The following CHST13 variants were observed in gnomAD, a reference collection of about 807,000 sequenced individuals.
CHST13 encodes the protein C4ST-3.
In CHST13, 1 loss-of-function variant was observed where a neutral mutation model predicts 7.0. The observed-to-expected ratio is 0.14, with a 90% confidence interval of 0.05 to 0.68. The LOEUF (loss-of-function observed/expected upper bound fraction) is 0.68. CHST13 is among the 30% of genes least tolerant of loss of function. CHST13 has a pLI of 0.82. For synonymous variants in CHST13, 257 were observed against 240.9 expected (o/e 1.07, Z -0.62); for missense variants, 572 against 507.9 (o/e 1.13, Z -1.21).
chr3:126,536,486 G>A, intron 2 of CHST13, 133 bp downstream of exon 2: 1 of 646,948 alleles, frequency 1.5e-6, no homozygotes, highest in East Asian at 2.8e-5. Context: ...CCCCAAACCA[G>A]GCTTTGTCAG....
chr3:126,528,652 C>T (rs1162045023), intron 1 of CHST13, among the ~76,000 whole-genome samples: 2 of 152,002 alleles, frequency 1.3e-5, no homozygotes, highest in African/African-American at 2.4e-5. Context: ...AAGTGGGGTC[C>T]GGAGGGTTCT....
At chr3:126,536,048 C>T (rs968765362) in intron 1 of CHST13, among the ~76,000 whole-genome samples, 3 of 152,162 alleles carry the variant, frequency 2.0e-5, no homozygotes, top group Non-Finnish European at 4.4e-5. Flanking sequence ...GAGGGTAGGA[C>T]ATGGGAGCAG....
rs1218355491 is a variant in CHST13, at chr3:126,542,173, C to A, written c.621C>A (p.Arg207=). 1.4e-6 allele frequency: 2 copies of A among 1,466,772 alleles called. No individual in the cohort carries two copies. Among genetic ancestry groups the A allele is most frequent in the Non-Finnish European group, 1.8e-6 (2 of 1,116,768 alleles). 90.9% of individuals were successfully genotyped at this position (1,466,772 alleles called of 1,614,324 possible). A position where few individuals can be genotyped will look rare whatever the true frequency, so the allele number is the denominator to read the frequency against. The change falls in exon 3 of 3, where the codon CGC becomes CGA. Residue 207 remains arginine (R), a synonymous_variant. Coordinates refer to ENST00000319340, the MANE Select transcript of CHST13 (RefSeq NM_152889.3). The stretch of plus-strand genomic sequence containing the variant: ...GCTACGGTGCACGCATCGTTCAGCG[C>A]CTGCGGCCGCGCGCGCTCCCCGACG... ...QRRYGARIVQ[R]LRPRALPDAR... is the part of the protein sequence containing the mutation.
intron 1 of CHST13, among the ~76,000 whole-genome samples, chr3:126,531,142 C>T (rs1283990078): frequency 2.0e-5 from 3 of 152,278 alleles, no homozygotes; most frequent in Admixed American, 2.0e-4. Flanking sequence ...TCAAAGCACG[C>T]TCCCAGACCA....
In CHST13 at chr3:126,543,179, C is replaced by G. The variant is rs937398729; in HGVS notation, c.*601C>G. 3 of 152,422 alleles carry G rather than the reference C, an allele frequency of 2.0e-5. No homozygotes were observed. Among genetic ancestry groups the G allele is most frequent in the Middle Eastern group, 3.4e-3 (1 of 294 alleles). The allele number at this position is 152,422 out of a possible 1,614,324, so 9.4% of individuals were successfully genotyped here. On this transcript the variant is annotated 3_prime_UTR_variant, in exon 3 of 3. Transcript: ENST00000319340. ...GTCTCAGTCTGGCAAGACGCTGGGT[C>G]TTCAGGCTCCATGCCAACAGAGCCC...
chr3:126,525,189 C>T (rs1408867867), intron 1 of CHST13, among the ~76,000 whole-genome samples: 1 of 152,142 alleles, frequency 6.6e-6, no homozygotes, highest in African/African-American at 2.4e-5. Flanking sequence ...GACCTCAGGG[C>T]TGTTTGCCTT....
chr3:126,542,865 A>G lies in CHST13; in HGVS notation c.*287A>G. 1 of 323,072 alleles carries G rather than the reference A, an allele frequency of 3.1e-6. No homozygotes were observed. Among genetic ancestry groups the G allele is most frequent in the Non-Finnish European group, 5.6e-6 (1 of 179,380 alleles). 20.0% of individuals were successfully genotyped at this position (323,072 alleles called of 1,614,324 possible). A position where few individuals can be genotyped will look rare whatever the true frequency, so the allele number is the denominator to read the frequency against. ...GGCCCCGTAGATGGGCAAGGACTTG[A>G]TAACCAGGGTTTTAGGCTTTTAAAG... On this transcript the variant is annotated 3_prime_UTR_variant, in exon 3 of 3. Coordinates refer to ENST00000319340, the MANE Select transcript of CHST13 (RefSeq NM_152889.3).
intron 1 of CHST13, among the ~76,000 whole-genome samples, chr3:126,528,937 G>C (rs1359310667): frequency 2.6e-5 from 4 of 152,266 alleles, no homozygotes; most frequent in African/African-American, 4.8e-5. Context: ...GGGCAGGACA[G>C]AGGCCCTCGG....
intron 1 of CHST13, among the ~76,000 whole-genome samples, chr3:126,525,338 G>A (rs560346249): frequency 1.3e-5 from 2 of 152,192 alleles, no homozygotes; most frequent in Non-Finnish European, 2.9e-5. Flanking sequence ...GGTCCAGGGT[G>A]GGCGGGGATG....
intron 1 of CHST13, among the ~76,000 whole-genome samples, chr3:126,531,101 C>T (rs931238746): frequency 6.6e-6 from 1 of 152,280 alleles, no homozygotes; most frequent in Non-Finnish European, 1.5e-5. Context: ...CCATATTCTG[C>T]CTGCCAGGCA....
intron 1 of CHST13, among the ~76,000 whole-genome samples, chr3:126,528,182 C>T (rs545423137): frequency 2.8e-4 from 42 of 151,660 alleles, no homozygotes; most frequent in Non-Finnish European, 5.3e-4. Flanking sequence ...GGATGGAAGG[C>T]AGGAAGATAC....
chr3:126,539,067 C>T (rs897595574), intron 2 of CHST13, among the ~76,000 whole-genome samples: 1 of 152,102 alleles, frequency 6.6e-6, no homozygotes, highest in African/African-American at 2.4e-5. Context: ...GAGAATCTCA[C>T]CTACAGGCAT....
chr3:126,541,641 A>G (rs949224583), intron 2 of CHST13, 92 bp from the exon 3 acceptor site: 1 of 1,239,098 alleles, frequency 8.1e-7, no homozygotes, highest in African/African-American at 1.6e-5. Context: ...CCTGCTCCCA[A>G]TTCCCGGGCG....
At chr3:126,541,064 T>C (rs9851107) in intron 2 of CHST13, among the ~76,000 whole-genome samples, 6,816 of 152,190 alleles carry the variant, frequency 0.045, 232 homozygotes, top group African/African-American at 0.094. Flanking sequence ...GGTCTCTACA[T>C]GGCTGAGGCT....
At chr3:126,537,612 G>A (rs558516513) in intron 2 of CHST13, among the ~76,000 whole-genome samples, 3 of 152,202 alleles carry the variant, frequency 2.0e-5, no homozygotes, top group Non-Finnish European at 4.4e-5. Flanking sequence ...CAGGCTGACG[G>A]TAGGACAGGC....
Position 126,542,167 on chromosome 3 carries a change from T to A in CHST13, c.615T>A (p.Val205=). Residue 205 remains valine, a synonymous_variant, in exon 3 of 3, where the codon GTT becomes GTA. Coordinates refer to ENST00000319340, the MANE Select transcript of CHST13 (RefSeq NM_152889.3). ...AGAGGCGCTACGGTGCACGCATCGT[T>A]CAGCGCCTGCGGCCGCGCGCGCTCC... ...AFQRRYGARI[V]QRLRPRALPD... 1 of 1,491,204 alleles carries A rather than the reference T, an allele frequency of 6.7e-7. No homozygotes were observed. The highest frequency in any genetic ancestry group is 1.3e-5 in the South Asian group (1 of 78,934). The allele number at this position is 1,491,204 out of a possible 1,614,324, so 92.4% of individuals were successfully genotyped here. A position where few individuals can be genotyped will look rare whatever the true frequency, so the allele number is the denominator to read the frequency against.
chr3:126,535,033 C>CAG (rs1936742041), intron 1 of CHST13, among the ~76,000 whole-genome samples: 2 of 21,346 alleles, frequency 9.4e-5, no homozygotes, highest in African/African-American at 1.8e-4. Flanking sequence ...CCAGGAGACA[C>CAG]ACAGCATCGC....
chr3:126,529,898 TC>T (rs963088586), intron 1 of CHST13, among the ~76,000 whole-genome samples: 10 of 152,246 alleles, frequency 6.6e-5, no homozygotes, highest in African/African-American at 2.4e-4. Context: ...TGCCTGGCTC[TC>T]CCTGTTCTGT....
intron 1 of CHST13, chr3:126,529,181 G>C (rs2107562560): frequency 9.4e-6 from 6 of 635,338 alleles, no homozygotes; most frequent in South Asian, 9.0e-5. Context: ...GTGCAGAGGA[G>C]GATGGTCGTG....
Sources: gnomAD v4.1 joint callset for allele counts (sites outside exome capture counted in the v4.1 genomes callset) on GRCh38, gnomAD v4.1.1 for gene constraint, MANE v1.5 for transcripts, NCBI Gene and HGNC (gene_info 2026-07-23, HGNC 2026-07-21) for gene names.